The following PTPRD variants were observed in gnomAD, a reference collection of about 807,000 sequenced individuals.
PTPRD encodes protein tyrosine phosphatase receptor type D, also known as receptor-type tyrosine-protein phosphatase delta.
In PTPRD, 34 loss-of-function variants were observed where a neutral mutation model predicts 214.5. The ratio of observed to expected loss-of-function variants is 0.16; its 90% CI spans 0.12 to 0.21. The LOEUF (loss-of-function observed/expected upper bound fraction) is 0.21. Ranked by LOEUF, PTPRD falls within the 10% of genes least tolerant of loss-of-function variation. PTPRD has a pLI of 1.00. For missense variants in PTPRD, 2,545 were observed against 2,398.7 expected, an observed-to-expected ratio of 1.06 and a Z score of -1.27; for synonymous variants, 1,128 against 845.7, an observed-to-expected ratio of 1.33 and a Z score of -5.79.
chr9:9,462,682 G>A (rs1234218089), intron 8 of PTPRD, among the ~76,000 whole-genome samples: 2 of 151,776 alleles, frequency 1.3e-5, no homozygotes, highest in Non-Finnish European at 2.9e-5. Flanking sequence ...TTTCCTTTTC[G>A]ATCTCCCTAA....
chr9:8,402,366 T>C (rs1029521020), intron 36 of PTPRD, among the ~76,000 whole-genome samples: 2 of 152,188 alleles, frequency 1.3e-5, no homozygotes, highest in Admixed American at 6.5e-5. Flanking sequence ...CAAGGAGGTA[T>C]AGTTTTTATC....
chr9:8,811,049 A>G (rs1338388539), intron 11 of PTPRD, among the ~76,000 whole-genome samples: 1 of 152,226 alleles, frequency 6.6e-6, no homozygotes, highest in Non-Finnish European at 1.5e-5. Flanking sequence ...TGCGGTCAGC[A>G]TTCAGAGAAT....
intron 7 of PTPRD, among the ~76,000 whole-genome samples, chr9:9,734,075 C>G (rs1440943596): frequency 6.6e-6 from 1 of 152,142 alleles, no homozygotes; most frequent in African/African-American, 2.4e-5. Flanking sequence ...GTGTTTCTAG[C>G]TTTACAACAT....
intron 7 of PTPRD, among the ~76,000 whole-genome samples, chr9:9,633,063 G>A: frequency 6.6e-6 from 1 of 152,144 alleles, no homozygotes; most frequent in Non-Finnish European, 1.5e-5. Flanking sequence ...GGGAGGTGGA[G>A]GCAGGTGGAT....
intron 3 of PTPRD, among the ~76,000 whole-genome samples, chr9:10,069,848 C>T (rs1466561514): frequency 6.6e-6 from 1 of 151,778 alleles, no homozygotes; most frequent in Non-Finnish European, 1.5e-5. Context: ...ATTTTTCCTG[C>T]TTTTTAAAAT....
At chr9:9,042,908 A>T (rs2099645501) in intron 10 of PTPRD, among the ~76,000 whole-genome samples, 1 of 152,144 alleles carries the variant, frequency 6.6e-6, no homozygotes, top group Non-Finnish European at 1.5e-5. Context: ...TGGCAACAGC[A>T]GCAGTAGTGT....
chr9:8,675,743 T>C (rs187614492), intron 12 of PTPRD, among the ~76,000 whole-genome samples: 3 of 152,176 alleles, frequency 2.0e-5, no homozygotes, highest in Non-Finnish European at 1.5e-5. Context: ...CATCACCTTG[T>C]CTCCACCCCT....
intron 30 of PTPRD, among the ~76,000 whole-genome samples, chr9:8,474,192 T>G (rs188064033): frequency 6.6e-6 from 1 of 152,120 alleles, no homozygotes; most frequent in African/African-American, 2.4e-5. Context: ...GCTTTTGTAG[T>G]AACAAACCCC....
chr9:9,046,639 T>A (rs755956981), intron 10 of PTPRD, among the ~76,000 whole-genome samples: 12 of 152,290 alleles, frequency 7.9e-5, no homozygotes, highest in Non-Finnish European at 1.2e-4. Flanking sequence ...ATAACTTTTT[T>A]ATTAAAGGAA....
At chr9:9,033,058 T>C (rs904312768) in intron 10 of PTPRD, among the ~76,000 whole-genome samples, 1 of 152,282 alleles carries the variant, frequency 6.6e-6, no homozygotes, top group South Asian at 2.1e-4. Context: ...CATGTACTTA[T>C]CCTTTCCTAA....
chr9:9,707,955 G>C (rs969250346), intron 7 of PTPRD, among the ~76,000 whole-genome samples: 1 of 151,822 alleles, frequency 6.6e-6, no homozygotes, highest in Non-Finnish European at 1.5e-5. Flanking sequence ...CTAGCAGTAA[G>C]AAATCTGATC....
chr9:9,669,666 T>G (rs141604902), intron 7 of PTPRD, among the ~76,000 whole-genome samples: 2 of 152,294 alleles, frequency 1.3e-5, no homozygotes, highest in African/African-American at 4.8e-5. Context: ...ATGAATACAT[T>G]TATGAGTCAG....
At chr9:9,519,269 C>T (rs1244201192) in intron 8 of PTPRD, among the ~76,000 whole-genome samples, 2 of 148,172 alleles carry the variant, frequency 1.3e-5, no homozygotes. Flanking sequence ...AATCAATGGC[C>T]TCAGTGGCCA....
At chr9:9,572,467 G>A (rs940028219) in intron 8 of PTPRD, among the ~76,000 whole-genome samples, 4 of 150,666 alleles carry the variant, frequency 2.7e-5, no homozygotes, top group Admixed American at 1.3e-4. Context: ...CACATTTGCA[G>A]AATTGATTCT....
chr9:9,980,618 C>CAAAAAAAAAAAAA (rs1202080056), intron 4 of PTPRD, among the ~76,000 whole-genome samples: 11 of 23,130 alleles, frequency 4.8e-4, no homozygotes, highest in East Asian at 3.9e-3. Flanking sequence ...CAAAAAAAAA[C>CAAAAAAAAAAAAA]AAAAAAAAAA....
intron 9 of PTPRD, among the ~76,000 whole-genome samples, chr9:9,195,107 T>TATATATATATATATATATATATAC (rs58832794): frequency 2.1e-4 from 29 of 141,182 alleles, no homozygotes; most frequent in African/African-American, 7.5e-4. Context: ...TATATATATA[T>TATATATATATATATATATATATAC]ACACACACAC....
intron 7 of PTPRD, among the ~76,000 whole-genome samples, chr9:9,604,315 A>T (rs1369082497): frequency 6.6e-6 from 1 of 152,120 alleles, no homozygotes; most frequent in Admixed American, 6.6e-5. Context: ...TGAAAATAAA[A>T]TTTTATTTAT....
At chr9:8,907,531 A>ATAT (rs1303243388) in intron 11 of PTPRD, among the ~76,000 whole-genome samples, 1,900 of 126,330 alleles carry the variant, frequency 0.015, 44 homozygotes, top group East Asian at 0.12. Flanking sequence ...AAAAAAAAAA[A>ATAT]AAATATATAT....
At chr9:10,510,870 C>A (rs1256574169) in intron 2 of PTPRD, among the ~76,000 whole-genome samples, 1 of 152,090 alleles carries the variant, frequency 6.6e-6, no homozygotes, top group Non-Finnish European at 1.5e-5. Flanking sequence ...GTATCCTTCC[C>A]AGCCTCTGGT....
Sources: gnomAD v4.1 joint callset for allele counts (sites outside exome capture counted in the v4.1 genomes callset) on GRCh38, gnomAD v4.1.1 for gene constraint, MANE v1.5 for transcripts, NCBI Gene and HGNC (gene_info 2026-07-23, HGNC 2026-07-21) for gene names.